Variants in IBTK observed in about 807,000 individuals in gnomAD.
IBTK encodes inhibitor of Bruton tyrosine kinase, also known as BTK-binding protein.
IBTK carries 83 observed loss-of-function variants against 154.9 expected under a neutral mutation model. The ratio of observed to expected loss-of-function variants is 0.54; its 90% CI spans 0.45 to 0.64. IBTK has a LOEUF of 0.64. IBTK is among the 30% of genes least tolerant of loss of function. The pLI, the probability that IBTK is intolerant of heterozygous loss-of-function variation, is 0.00. For missense variants in IBTK, 1,332 were observed against 1,584.6 expected (o/e 0.84, Z 2.71); for synonymous variants, 515 against 536.1 (o/e 0.96, Z 0.54).
chr6:82,176,016 C>T (rs890348738), intron 26 of IBTK, among the ~76,000 whole-genome samples: 9 of 148,898 alleles, frequency 6.0e-5, no homozygotes, highest in Non-Finnish European at 1.3e-4. Flanking sequence ...GCAACAAGAA[C>T]GAAACTCCAT....
chr6:82,211,505 G>T lies in IBTK; in HGVS notation c.2359C>A (p.Leu787Ile), dbSNP rs527414843. The change falls in exon 14 of 29, where the codon CTT becomes ATT. Residue 787 changes from leucine (L) to isoleucine (I), a missense_variant. Physicochemically the swap from Leu to Ile is conservative, Grantham distance 5. Around this residue, in one of 3 missense-constraint regions of IBTK, gnomAD observed 1,134 missense variants for 1,274.7 expected, o/e 0.89. Transcript: ENST00000306270. ...GTGCACCTACCAAGTCTAGCACAAA[G>T]AACACATTTATGACAAGGAAATTCC... ...GKEFPCHKCV[L>I]CARLEYFHSM... is the part of the protein sequence containing the mutation. 9 of 1,613,140 alleles carry T rather than the reference G, an allele frequency of 5.6e-6. No homozygotes were observed. Among genetic ancestry groups the T allele is most frequent in the Admixed American group, 5.0e-5 (3 of 59,988 alleles).
chr6:82,195,685 A>G (rs753742289), intron 22 of IBTK, among the ~76,000 whole-genome samples: 25 of 152,138 alleles, frequency 1.6e-4, no homozygotes, highest in Non-Finnish European at 3.2e-4. Context: ...CGTTTTGTGG[A>G]TGTGTAGGAG....
intron 26 of IBTK, chr6:82,175,021 A>T: frequency 2.2e-6 from 1 of 456,184 alleles, no homozygotes; most frequent in Non-Finnish European, 4.4e-6. Flanking sequence ...ATTATGATAA[A>T]GCATCACACA....
intron 25 of IBTK, among the ~76,000 whole-genome samples, 173 bp from the exon 26 acceptor site, chr6:82,182,201 T>C (rs2127799414): frequency 6.6e-6 from 1 of 152,188 alleles, no homozygotes; most frequent in African/African-American, 2.4e-5. Flanking sequence ...AACTATTCCA[T>C]AAGAAAAACC....
chr6:82,235,825 A>C (rs1770694490), intron 2 of IBTK, among the ~76,000 whole-genome samples: 1 of 152,130 alleles, frequency 6.6e-6, no homozygotes. Flanking sequence ...CTAATACATC[A>C]ATATTTATCA....
rs1411458095 is a variant in IBTK at position 82,238,474 on chromosome 6, G to A, written c.321+1692C>T. ...TTTTTTTGAGATGGAGTCGTCCTCG[G>A]TTGCCCAGGCTGAAGTACAATGGTG... is the stretch of plus-strand genomic sequence containing the variant. On this transcript the variant is annotated intron_variant, in intron 2 of 28. Coordinates refer to ENST00000306270, the MANE Select transcript of IBTK (RefSeq NM_015525.4). Among the ~76,000 whole-genome samples, 6 of 151,954 alleles carry A rather than the reference G, an allele frequency of 3.9e-5. No individual in the cohort carries two copies. In the East Asian group the frequency reaches 1.2e-3, roughly 30 times the overall value.
At chr6:82,180,001 T>TAC in intron 26 of IBTK, among the ~76,000 whole-genome samples, 1 of 1,336 alleles carries the variant, frequency 7.5e-4, no homozygotes, top group Non-Finnish European at 1.6e-3. Context: ...AGGATAGTTC[T>TAC]ATATAGGCAG....
intron 26 of IBTK, among the ~76,000 whole-genome samples, chr6:82,173,936 T>C (rs544596096): frequency 6.6e-6 from 1 of 152,152 alleles, no homozygotes; most frequent in East Asian, 1.9e-4. Flanking sequence ...AATCACAATA[T>C]TTAATCATTT....
At chr6:82,215,189 C>A (rs973363174) in intron 11 of IBTK, among the ~76,000 whole-genome samples, 14 of 152,150 alleles carry the variant, frequency 9.2e-5, no homozygotes, top group African/African-American at 3.4e-4. Context: ...CTTGGACTGA[C>A]GAGTTTCTCA....
chr6:82,216,230 T>G lies in IBTK; in HGVS notation c.1447A>C (p.Asn483His). 3 of 1,585,912 alleles carry G rather than the reference T, an allele frequency of 1.9e-6. 1 individual carries two copies. In the South Asian group the frequency reaches 3.5e-5, roughly 19 times the overall value. Residue 483 changes from asparagine (N) to histidine (H), a missense_variant, in exon 11 of 29, where the codon AAT becomes CAT. By Grantham distance (68) the Asn-to-His change is moderately conservative. This residue lies in a region of IBTK where 1,134 missense variants were observed against 1,274.7 expected (regional missense o/e 0.89). Transcript: ENST00000306270. ...EKKEILSNLH[N>H]SSSDVSYVSD... ...ACATAAGACACATCTGATGAGGAATTGTGAAGGTTTGATAAAATCTCTGTT... is the reference window on the plus strand; with the variant it reads ...ACATAAGACACATCTGATGAGGAATGGTGAAGGTTTGATAAAATCTCTGTT...
chr6:82,224,308 T>C (rs1210981621), intron 6 of IBTK, 123 bp from the exon 7 acceptor site: 12 of 693,000 alleles, frequency 1.7e-5, no homozygotes, highest in Admixed American at 2.3e-5. Flanking sequence ...TCAAGTGCAA[T>C]TGGCAGTTGT....
chr6:82,223,802 T>C (rs1241885166), intron 7 of IBTK, among the ~76,000 whole-genome samples, 182 bp from the exon 8 acceptor site: 1 of 152,028 alleles, frequency 6.6e-6, no homozygotes, highest in Non-Finnish European at 1.5e-5. Context: ...CTACAAAAAA[T>C]AGCCCAGCAT....
chr6:82,192,847 C>G (rs1768822442), intron 23 of IBTK, among the ~76,000 whole-genome samples: 1 of 151,926 alleles, frequency 6.6e-6, no homozygotes, highest in East Asian at 1.9e-4. Context: ...CACCTGAAAT[C>G]CCAGCACTTT....
intron 1 of IBTK, among the ~76,000 whole-genome samples, chr6:82,242,651 A>C (rs1770994724): frequency 6.6e-6 from 1 of 152,114 alleles, no homozygotes; most frequent in Non-Finnish European, 1.5e-5. Flanking sequence ...AAAACAAATA[A>C]AAATGTGTTT....
intron 1 of IBTK, 69 bp downstream of exon 1, chr6:82,247,493 C>CT: frequency 2.5e-6 from 1 of 398,534 alleles, no homozygotes; most frequent in South Asian, 1.3e-4. Flanking sequence ...AAGGCGAATA[C>CT]TCTCCCCCTG....
chr6:82,204,588 A>T (rs192361789), intron 17 of IBTK, among the ~76,000 whole-genome samples: 1 of 152,290 alleles, frequency 6.6e-6, no homozygotes, highest in Non-Finnish European at 1.5e-5. Flanking sequence ...TTAGCAAATA[A>T]ATCTGACACC....
At chr6:82,217,768 T>A (rs1347065472) in intron 10 of IBTK, among the ~76,000 whole-genome samples, 192 bp downstream of exon 10, 1 of 152,148 alleles carries the variant, frequency 6.6e-6, no homozygotes, top group Non-Finnish European at 1.5e-5. Context: ...AGGCTAAGGA[T>A]ATAGACGAAT....
intron 5 of IBTK, among the ~76,000 whole-genome samples, chr6:82,226,916 T>C (rs1770319476): frequency 6.6e-6 from 1 of 152,186 alleles, no homozygotes; most frequent in Admixed American, 6.5e-5. Context: ...TAGTCTGCCT[T>C]CTTCTATTTC....
chr6:82,187,911 G>T (rs1768613075), intron 25 of IBTK, among the ~76,000 whole-genome samples: 1 of 151,982 alleles, frequency 6.6e-6, no homozygotes, highest in Non-Finnish European at 1.5e-5. Context: ...TACACTAAAT[G>T]TGAAAACCTA....
Sources: allele counts gnomAD v4.1 joint callset (sites outside exome capture counted in the v4.1 genomes callset), GRCh38; gene constraint gnomAD v4.1.1; regional missense constraint gnomAD v4.1.1; transcripts MANE v1.5; gene names NCBI Gene and HGNC (gene_info 2026-07-23, HGNC 2026-07-21).